The following FAF2 variants were observed in gnomAD, a reference collection of about 807,000 sequenced individuals.
FAF2 encodes the protein Fas associated factor family member 2.
A neutral mutation model predicts 62.3 loss-of-function variants in FAF2; 9 were observed. The ratio of observed to expected loss-of-function variants is 0.14; its 90% confidence interval spans 0.09 to 0.25. The LOEUF (loss-of-function observed/expected upper bound fraction) is 0.25, where lower values mean the gene tolerates loss of function less well. Among genes scored for constraint, FAF2 ranks in the 10% least tolerant of loss-of-function variants. The pLI, the probability that FAF2 is intolerant of heterozygous loss-of-function variation, is 1.00. For missense variants in FAF2, 368 were observed against 556.2 expected, an observed-to-expected ratio of 0.66 and a Z score of 3.40; for synonymous variants, 202 against 198.0, an observed-to-expected ratio of 1.02 and a Z score of -0.17.
At chr5:176,497,340 AG>A (rs1222983074) in intron 8 of FAF2, among the ~76,000 whole-genome samples, 1 of 152,232 alleles carries the variant, frequency 6.6e-6, no homozygotes, top group Admixed American at 6.5e-5. Context: ...AAAAAGCACA[AG>A]GAAGAAATTT....
intron 1 of FAF2, among the ~76,000 whole-genome samples, chr5:176,463,889 C>T (rs74219419): frequency 0.013 from 2,027 of 152,040 alleles, 43 homozygotes; most frequent in East Asian, 0.1. Context: ...ACCACCACAC[C>T]TGGCTAATTT....
chr5:176,493,913 A>C, intron 5 of FAF2, 86 bp from the exon 6 acceptor site: 2 of 883,816 alleles, frequency 2.3e-6, no homozygotes, highest in South Asian at 3.1e-5. Flanking sequence ...TCCTAAATAC[A>C]TAACTGTATC....
intron 1 of FAF2, among the ~76,000 whole-genome samples, chr5:176,465,366 CT>C (rs70991554): frequency 0.47 from 54,034 of 115,366 alleles, 9,755 homozygotes; most frequent in East Asian, 0.69. Context: ...CTTTTTCTTT[CT>C]TTTTTTTTTT....
intron 8 of FAF2, 53 bp from the exon 9 acceptor site, chr5:176,498,861 C>T (rs2113745650): frequency 6.9e-7 from 1 of 1,456,932 alleles, no homozygotes. Context: ...TAAGAAAACA[C>T]AGAACTTTGT....
Position 176,474,419 on chromosome 5 carries a change from T to C in FAF2, c.64-4769T>C, listed in dbSNP as rs73329546. 9.9e-3 allele frequency among the ~76,000 whole-genome samples: 1,508 copies of C among 152,184 alleles called. 26 individuals are homozygous for C. The highest frequency in any genetic ancestry group is 0.035 in the African/African-American group (1,432 of 41,450). ...GTAGTTCCTGTTGCCTTTAGTCTTA[T>C]AGACTTCATTTCCAAAGTTTCTTAG... On this transcript the variant is annotated intron_variant, in intron 1 of 10. Transcript: ENST00000261942.
At chr5:176,489,515 T>G (rs1355661908) in intron 4 of FAF2, among the ~76,000 whole-genome samples, 2 of 152,108 alleles carry the variant, frequency 1.3e-5, no homozygotes, top group Non-Finnish European at 2.9e-5. Context: ...TAGACACTCC[T>G]GTTACACCTT....
At chr5:176,466,411 T>C (rs1048433619) in intron 1 of FAF2, among the ~76,000 whole-genome samples, 1 of 152,132 alleles carries the variant, frequency 6.6e-6, no homozygotes, top group African/African-American at 2.4e-5. Flanking sequence ...AACAAGCCAA[T>C]TGGAATTTAG....
At chr5:176,485,886 G>A (rs554236164) in intron 2 of FAF2, among the ~76,000 whole-genome samples, 1 of 152,152 alleles carries the variant, frequency 6.6e-6, no homozygotes, top group South Asian at 2.1e-4. Flanking sequence ...CTCATACATT[G>A]AGCAACTTTT....
chr5:176,506,641 T>C, intron 10 of FAF2, 127 bp from the exon 11 acceptor site: 1 of 718,084 alleles, frequency 1.4e-6, no homozygotes, highest in Non-Finnish European at 2.3e-6. Context: ...TGTGATTCTT[T>C]CCTATAGAGT....
chr5:176,460,976 CTGT>C (rs1758368271), intron 1 of FAF2, among the ~76,000 whole-genome samples: 8 of 151,364 alleles, frequency 5.3e-5, no homozygotes, highest in Non-Finnish European at 7.4e-5. Flanking sequence ...AAAGAAGTGT[CTGT>C]TCATGTACTT....
chr5:176,481,939 G>A (rs1226823848), intron 2 of FAF2, among the ~76,000 whole-genome samples: 1 of 152,078 alleles, frequency 6.6e-6, no homozygotes, highest in Non-Finnish European at 1.5e-5. Flanking sequence ...CTCCCAGACT[G>A]TTTTCAAAGT....
chr5:176,450,093 A>AT (rs1380857864), intron 1 of FAF2, among the ~76,000 whole-genome samples: 3 of 152,160 alleles, frequency 2.0e-5, no homozygotes, highest in African/African-American at 7.2e-5. Context: ...GAAAATAAAT[A>AT]TTTTTTTGGC....
intron 1 of FAF2, among the ~76,000 whole-genome samples, chr5:176,477,115 T>C (rs1310286962): frequency 2.1e-5 from 3 of 145,604 alleles, no homozygotes; most frequent in Non-Finnish European, 4.5e-5. Context: ...GCCTTTTTTT[T>C]TTTTTTTTTT....
chr5:176,482,386 T>A (rs1758796516), intron 2 of FAF2, among the ~76,000 whole-genome samples: 1 of 152,058 alleles, frequency 6.6e-6, no homozygotes, highest in African/African-American at 2.4e-5. Context: ...CTAATTTTTG[T>A]ATTTTTAGTA....
chr5:176,472,462 A>G (rs1758588806), intron 1 of FAF2, among the ~76,000 whole-genome samples: 1 of 152,028 alleles, frequency 6.6e-6, no homozygotes, highest in African/African-American at 2.4e-5. Context: ...GTTTTTTTTA[A>G]GCAGAGAACA....
At chr5:176,477,579 G>A (rs981676684) in intron 1 of FAF2, among the ~76,000 whole-genome samples, 1 of 152,018 alleles carries the variant, frequency 6.6e-6, no homozygotes, top group African/African-American at 2.4e-5. Flanking sequence ...CAAAGCCAGT[G>A]GTTCTTAAAG....
intron 4 of FAF2, among the ~76,000 whole-genome samples, chr5:176,489,316 C>T (rs1182580405): frequency 7.1e-6 from 1 of 140,240 alleles, no homozygotes. Context: ...TATTTGTCAC[C>T]TCTACACTTC....
chr5:176,476,999 G>A (rs1200007800), intron 1 of FAF2, among the ~76,000 whole-genome samples: 5 of 151,382 alleles, frequency 3.3e-5, no homozygotes, highest in African/African-American at 4.9e-5. Flanking sequence ...TTAGTGAGAC[G>A]GGGTTTCACC....
At chr5:176,498,815 AT>A (rs955034415) in intron 8 of FAF2, 98 bp from the exon 9 acceptor site, 10 of 1,156,738 alleles carry the variant, frequency 8.6e-6, no homozygotes, top group Non-Finnish European at 1.0e-5. Flanking sequence ...GAATATCAAC[AT>A]TTTTACACAC....
Sources: gnomAD v4.1 joint callset for allele counts (sites outside exome capture counted in the v4.1 genomes callset) on GRCh38, gnomAD v4.1.1 for gene constraint, MANE v1.5 for transcripts, NCBI Gene and HGNC (gene_info 2026-07-23, HGNC 2026-07-21) for gene names.